The following FER1L6 variants were observed in gnomAD, a reference collection of about 807,000 sequenced individuals.
FER1L6 encodes fer-1 like family member 6, also known as fer-1-like protein 6.
A neutral mutation model predicts 219.2 loss-of-function variants in FER1L6; 177 were observed. The ratio of observed to expected loss-of-function variants is 0.81; its 90% CI spans 0.71 to 0.91. The LOEUF is 0.91. Ranked by LOEUF, FER1L6 falls within the 40% of genes least tolerant of loss-of-function variation. The pLI is 0.00. For synonymous variants in FER1L6, 768 were observed against 824.3 expected (o/e 0.93, Z 1.17); for missense variants, 2,153 against 2,259.9 (o/e 0.95, Z 0.96).
chr8:124,063,523 G>T lies in FER1L6; in HGVS notation c.3329-824G>T, dbSNP rs533401965. 1.8e-3 allele frequency among the ~76,000 whole-genome samples: 277 copies of T among 152,246 alleles called. 1 individual carries two copies. Among genetic ancestry groups the T allele is most frequent in the Middle Eastern group, 3.4e-3 (1 of 294 alleles). On this transcript the variant is annotated intron_variant, in intron 25 of 40. Transcript: ENST00000522917. The stretch of plus-strand genomic sequence containing the variant: ...ATAGAGCACCGTTTTCCCCCAAAGG[G>T]TCTACTAACCTATCATTCGTTTTCC...
At chr8:123,988,339 A>AT (rs1201806459) in intron 12 of FER1L6, among the ~76,000 whole-genome samples, 2 of 152,046 alleles carry the variant, frequency 1.3e-5, no homozygotes, top group African/African-American at 2.4e-5. Flanking sequence ...AAACTTTAGA[A>AT]TTTTTTTCTA....
rs1236311195 is a variant in FER1L6, at chr8:124,094,972, T to A, written c.4629T>A (p.Cys1543Ter). Residue 1543 changes from cysteine (C) to a stop codon, truncating the protein, a stop_gained, in exon 35 of 41, where the codon TGT becomes TGA. Transcript: ENST00000522917. LOFTEE classifies it high-confidence loss of function. The part of the protein sequence containing the change: ...HSWEDIPEVG[C>*]RLVPEHIETR... Reference sequence around the variant, plus strand: ...GGGAGGATATCCCGGAAGTCGGGTGTAGGCTGGTTCCTGAACACATAGAAA... The same window carrying A: ...GGGAGGATATCCCGGAAGTCGGGTGAAGGCTGGTTCCTGAACACATAGAAA... The A allele has an allele frequency of 1.2e-6, 2 of 1,613,988 alleles. No homozygotes were observed. Among genetic ancestry groups the A allele is most frequent in the Admixed American group, 3.3e-5 (2 of 60,000 alleles).
At chr8:124,069,762 T>G (rs1197583995) in intron 29 of FER1L6, among the ~76,000 whole-genome samples, 1 of 152,206 alleles carries the variant, frequency 6.6e-6, no homozygotes, top group East Asian at 1.9e-4. Context: ...CATCTCTAGG[T>G]GCTTGTCATC....
chr8:123,967,205 G>A (rs1305686079), intron 5 of FER1L6, among the ~76,000 whole-genome samples: 7 of 152,146 alleles, frequency 4.6e-5, no homozygotes, highest in African/African-American at 1.7e-4. Flanking sequence ...CCTCTCCCTG[G>A]AAGCATTCAC....
chr8:124,001,659 G>A (rs1452564818), intron 12 of FER1L6, among the ~76,000 whole-genome samples: 1 of 152,182 alleles, frequency 6.6e-6, no homozygotes, highest in Non-Finnish European at 1.5e-5. Context: ...AAGAAGGGAA[G>A]AAAAGAATGA....
chr8:123,963,203 C>A (rs1815380572), intron 2 of FER1L6, 75 bp from the exon 3 acceptor site: 7 of 1,587,788 alleles, frequency 4.4e-6, no homozygotes, highest in Non-Finnish European at 6.0e-6. Context: ...TGCCACAGGG[C>A]TGGCATAAGG....
chr8:123,884,780 C>T (rs1026843237), intron 1 of FER1L6, among the ~76,000 whole-genome samples: 3 of 152,236 alleles, frequency 2.0e-5, no homozygotes, highest in South Asian at 2.1e-4. Context: ...CTGGCCTTGC[C>T]GTCCCTTCCT....
At chr8:124,028,273 T>C (rs952817565) in intron 18 of FER1L6, among the ~76,000 whole-genome samples, 1 of 152,244 alleles carries the variant, frequency 6.6e-6, no homozygotes, top group African/African-American at 2.4e-5. Flanking sequence ...CTCTGGGCAG[T>C]AGCTTTCTGG....
rs200348039 is a variant in FER1L6, at chr8:124,082,316, A to G, written c.4249A>G (p.Lys1417Glu). ...ATTTGAGATCCAAGCCACATTCCCAAAAGAGTCCCTGCTCTCCATCCTGAT... is the reference window on the plus strand; with the variant it reads ...ATTTGAGATCCAAGCCACATTCCCAGAAGAGTCCCTGCTCTCCATCCTGAT... ...RSFEIQATFP[K>E]ESLLSILIYD... The change falls in exon 33 of 41, where the codon AAA becomes GAA. Residue 1417 changes from lysine to glutamate, a missense_variant. Transcript: ENST00000522917. The G allele has an allele frequency of 1.9e-6, 3 of 1,613,440 alleles. No homozygotes were observed. Among genetic ancestry groups the G allele is most frequent in the East Asian group, 2.2e-5 (1 of 44,848 alleles).
intron 18 of FER1L6, among the ~76,000 whole-genome samples, chr8:124,032,196 G>A (rs1256422191): frequency 2.0e-5 from 3 of 152,238 alleles, no homozygotes; most frequent in East Asian, 3.9e-4. Context: ...AGGCCGAGGC[G>A]GGTGGATCAC....
intron 1 of FER1L6, among the ~76,000 whole-genome samples, chr8:123,919,006 T>C (rs993457586): frequency 6.6e-6 from 1 of 151,930 alleles, no homozygotes; most frequent in African/African-American, 2.4e-5. Context: ...ATGGCTCCAG[T>C]GGGATCCTGC....
intron 12 of FER1L6, among the ~76,000 whole-genome samples, chr8:123,996,959 G>T (rs1446853471): frequency 2.0e-5 from 3 of 151,980 alleles, no homozygotes; most frequent in Non-Finnish European, 4.4e-5. Context: ...GTTGTATACT[G>T]TCCATGTCTT....
rs1817011276 is a variant in FER1L6, at chr8:123,876,762, T to C, written c.-8+24577T>C. ...TTATGGGGCTGACATGTCATAAGTG[T>C]ATGTTTATGATCTCTTTCTCTCTCT... On this transcript the variant is annotated intron_variant, in intron 1 of 40. Coordinates refer to ENST00000522917, the MANE Select transcript of FER1L6 (RefSeq NM_001039112.2). Among the ~76,000 whole-genome samples the C allele has an allele frequency of 3.3e-5, 5 of 152,332 alleles. 1 individual carries two copies. In the South Asian group the frequency reaches 1.0e-3, roughly 32 times the overall value.
chr8:123,959,666 A>T (rs1274726496), intron 2 of FER1L6, among the ~76,000 whole-genome samples: 1 of 152,160 alleles, frequency 6.6e-6, no homozygotes. Flanking sequence ...GCGAACCAAA[A>T]TGCACCAAAG....
At chr8:124,045,712 A>G in intron 20 of FER1L6, 55 bp from the exon 21 acceptor site, 2 of 1,591,034 alleles carry the variant, frequency 1.3e-6, no homozygotes, top group Non-Finnish European at 1.7e-6. Context: ...TGAACCTTAG[A>G]GCCCCTATAA....
chr8:123,939,678 T>C lies in FER1L6; in HGVS notation c.-7-16314T>C, dbSNP rs144187153. Among the ~76,000 whole-genome samples the C allele has an allele frequency of 6.6e-5, 10 of 152,254 alleles. No individual in the cohort carries two copies. The East Asian group carries it at 1.9e-3, about 29-fold the overall frequency. ...GGGACTTGAGTTAGTTTGCTTGCTGTGCTTAGCCCATAGGATGCATGGCCT... is the reference window on the plus strand; with the variant it reads ...GGGACTTGAGTTAGTTTGCTTGCTGCGCTTAGCCCATAGGATGCATGGCCT... On this transcript the variant is annotated intron_variant, in intron 1 of 40. Transcript: ENST00000522917.
chr8:123,995,712 A>T (rs1435650048), intron 12 of FER1L6, among the ~76,000 whole-genome samples: 1 of 151,612 alleles, frequency 6.6e-6, no homozygotes, highest in African/African-American at 2.4e-5. Flanking sequence ...CTAATTTTGA[A>T]TTTGTTTGCT....
At chr8:123,974,610 T>G (rs1815966638) in intron 7 of FER1L6, among the ~76,000 whole-genome samples, 1 of 133,592 alleles carries the variant, frequency 7.5e-6, no homozygotes, top group African/African-American at 2.9e-5. Flanking sequence ...CTCTCCAGCT[T>G]GGGCATTACC....
intron 28 of FER1L6, 66 bp downstream of exon 28, chr8:124,067,872 T>G: frequency 7.3e-7 from 1 of 1,371,252 alleles, no homozygotes; most frequent in Non-Finnish European, 1.0e-6. Flanking sequence ...AATTGTAAAA[T>G]GGAAGCCACG....
Sources: allele counts gnomAD v4.1 joint callset (sites outside exome capture counted in the v4.1 genomes callset), GRCh38; gene constraint gnomAD v4.1.1; transcripts MANE v1.5; gene names NCBI Gene and HGNC (gene_info 2026-07-23, HGNC 2026-07-21).